Variants in GMPS observed in about 807,000 individuals in gnomAD.
GMPS encodes GMP synthase [glutamine-hydrolyzing].
Under a neutral mutation model 77.9 loss-of-function variants are expected in GMPS, and 15 were observed. The observed-to-expected ratio is 0.19, with a 90% CI of 0.13 to 0.30. GMPS has a LOEUF of 0.30. Ranked by LOEUF, GMPS falls within the 10% of genes least tolerant of loss-of-function variation. The probability of loss-of-function intolerance (pLI) is 1.00; values close to 1 mark genes in which losing one functional copy is unlikely to be tolerated. For missense variants in GMPS, 590 were observed against 838.8 expected, an observed-to-expected ratio of 0.70 and a Z score of 3.66; for synonymous variants, 224 against 275.9, an observed-to-expected ratio of 0.81 and a Z score of 1.86.
rs557647738 is a variant in GMPS at position 155,917,317 on chromosome 3, T to C, written c.1212+1125T>C. ...GTATATAGTTCAGTAGTGTTAGGTG[T>C]ATTCACATTGTTGTAAAACAGATCT... On this transcript the variant is annotated intron_variant, in intron 9 of 15. Transcript: ENST00000496455. Among the ~76,000 whole-genome samples the C allele has an allele frequency of 1.4e-3, 206 of 152,278 alleles. 1 individual carries two copies. The highest frequency in any genetic ancestry group is 4.9e-3 in the African/African-American group (202 of 41,558).
In GMPS at chr3:155,914,522, C is replaced by T. The variant is rs1264567632; in HGVS notation, c.990C>T (p.Thr330=). 11 of 1,602,624 alleles carry T rather than the reference C, an allele frequency of 6.9e-6. No homozygotes were observed. The highest frequency in any genetic ancestry group is 8.5e-6 in the Non-Finnish European group (10 of 1,175,594). The change falls in exon 8 of 16, where the codon ACC becomes ACT. Residue 330 remains threonine, a synonymous_variant. Transcript: ENST00000496455. ...GAATTAGCAAAACGTTAAATATGAC[C>T]ACAAGTCCTGAAGAGAAAAGAAAAA... The part of the protein sequence containing the change: ...RKRISKTLNM[T]TSPEEKRKII...
rs1339835981 is a variant in GMPS, at chr3:155,914,443, A to G, written c.911A>G (p.Tyr304Cys). 5.1e-6 allele frequency: 8 copies of G among 1,579,594 alleles called. No individual in the cohort carries two copies. Among genetic ancestry groups the G allele is most frequent in the African/African-American group, 2.7e-5 (2 of 72,860 alleles). Residue 304 changes from tyrosine (Y) to cysteine (C), a missense_variant, in exon 8 of 16, where the codon TAC (tyrosine) becomes TGC (cysteine). Tyr to Cys is a radical substitution (Grantham distance 194). Around this residue, in one of 6 missense-constraint regions of GMPS, gnomAD observed 181 missense variants for 186.8 expected, o/e 0.97. Coordinates refer to ENST00000496455, the MANE Select transcript of GMPS (RefSeq NM_003875.3). ...VKVINAAHSF[Y>C]NGTTTLPISD... is the part of the protein sequence containing the mutation. The stretch of plus-strand genomic sequence containing the variant: ...GTGATAAATGCTGCTCATTCTTTCT[A>G]CAATGGAACAACAACCCTACCAATA...
chr3:155,934,166 A>G (rs1483106648), intron 13 of GMPS, among the ~76,000 whole-genome samples: 3 of 152,200 alleles, frequency 2.0e-5, no homozygotes, highest in Non-Finnish European at 4.4e-5. Flanking sequence ...TTAGCATAGT[A>G]TATTAATAGT....
At chr3:155,902,114 G>T (rs1026288710) in intron 3 of GMPS, among the ~76,000 whole-genome samples, 2 of 152,170 alleles carry the variant, frequency 1.3e-5, no homozygotes, top group African/African-American at 4.8e-5. Context: ...GAACCTTGGG[G>T]TTTATCCAGG....
At chr3:155,904,403 C>T (rs1402401738) in intron 4 of GMPS, among the ~76,000 whole-genome samples, 1 of 151,962 alleles carries the variant, frequency 6.6e-6, no homozygotes, top group Non-Finnish European at 1.5e-5. Context: ...GATTCTTCTG[C>T]CTCAGCCTCC....
chr3:155,919,036 G>T (rs565287213), intron 9 of GMPS, among the ~76,000 whole-genome samples, 197 bp from the exon 10 acceptor site: 3 of 152,294 alleles, frequency 2.0e-5, no homozygotes, highest in South Asian at 4.1e-4. Context: ...GTGCTTCAAA[G>T]AGAAATAATA....
chr3:155,912,352 A>C (rs1253894495), intron 7 of GMPS, among the ~76,000 whole-genome samples: 1 of 152,178 alleles, frequency 6.6e-6, no homozygotes, highest in Non-Finnish European at 1.5e-5. Flanking sequence ...GTAAAGGTGG[A>C]TTTTCTCTGT....
At chr3:155,870,499 C>A (rs1028872403), upstream of GMPS, 13 of 214,564 alleles carry the variant, frequency 6.1e-5, no homozygotes, top group Non-Finnish European at 1.2e-4. Flanking sequence ...GGGGACCGGG[C>A]TGGGGGCGGG....
intron 3 of GMPS, among the ~76,000 whole-genome samples, chr3:155,899,001 C>T (rs1237340390): frequency 3.9e-5 from 6 of 152,116 alleles, no homozygotes; most frequent in South Asian, 2.1e-4. Flanking sequence ...GAGGCCGAGG[C>T]GGGTGGATCA....
chr3:155,917,161 TGG>T lies in GMPS; in HGVS notation c.1212+972_1212+973del, dbSNP rs528568230. Among the ~76,000 whole-genome samples, 758 of 152,148 alleles carry T rather than the reference TGG, an allele frequency of 5.0e-3. 7 individuals are homozygous for T. Among genetic ancestry groups the T allele is most frequent in the African/African-American group, 0.018 (731 of 41,508 alleles). On this transcript the variant is annotated intron_variant, in intron 9 of 15. Coordinates refer to ENST00000496455, the MANE Select transcript of GMPS (RefSeq NM_003875.3). ...GCTAATTTTGTATTTTTAGTAGAGA[TGG>T]GGTTTCACTATGTTGGCCAGGCTGG...
chr3:155,929,384 A>G (rs1034494205), intron 12 of GMPS, among the ~76,000 whole-genome samples: 2 of 152,128 alleles, frequency 1.3e-5, no homozygotes, highest in African/African-American at 4.8e-5. Flanking sequence ...AGAGCTATCT[A>G]TGACAAACCC....
At position 155,870,895 on chromosome 3, in the gene GMPS, A is replaced by C. The variant is rs1753888166; in HGVS notation, c.25A>C (p.Lys9Gln). 2.0e-6 allele frequency: 3 copies of C among 1,503,024 alleles called. No individual in the cohort carries two copies. Among genetic ancestry groups the C allele is most frequent in the Non-Finnish European group, 2.7e-6 (3 of 1,129,266 alleles). The allele number at this position is 1,503,024 out of a possible 1,614,324, so 93.1% of individuals were successfully genotyped here. A position where few individuals can be genotyped will look rare whatever the true frequency, so the allele number is the denominator to read the frequency against. ...GATGGCTCTGTGCAACGGAGACTCC[A>C]AGGTCAGCGTGGGGGTCCCTGCAGC... MALCNGDS[K>Q]LENAGGDLKD... The change falls in exon 1 of 16, where the codon AAG (lysine) becomes CAG (glutamine). Residue 9 changes from lysine to glutamine, a missense_variant and splice_region_variant. Coordinates refer to ENST00000496455, the MANE Select transcript of GMPS (RefSeq NM_003875.3).
chr3:155,930,652 A>G (rs12638792), intron 12 of GMPS, among the ~76,000 whole-genome samples: 29,443 of 152,130 alleles, frequency 0.19, 3,004 homozygotes, highest in South Asian at 0.26. Context: ...GTGAACTCAA[A>G]CAAATTTACA....
rs573242763 is a variant in GMPS, at chr3:155,873,915, G to A, written c.27+3018G>A. On this transcript the variant is annotated intron_variant, in intron 1 of 15. Transcript: ENST00000496455. ...CTCCCAAAGTGCTGGGATTACAGGC[G>A]TGAGCCACCATGCCCAGCCATGAGC... Among the ~76,000 whole-genome samples, 11 of 152,234 alleles carry A rather than the reference G, an allele frequency of 7.2e-5. No homozygotes were observed. In the South Asian group the frequency reaches 8.3e-4, roughly 11 times the overall value.
chr3:155,932,123 G>C (rs1226048122), intron 13 of GMPS, among the ~76,000 whole-genome samples: 2 of 152,064 alleles, frequency 1.3e-5, no homozygotes, highest in African/African-American at 4.8e-5. Flanking sequence ...TTATTTAAAG[G>C]AGAAAGATTT....
chr3:155,921,368 A>G (rs1466970226), intron 10 of GMPS, among the ~76,000 whole-genome samples: 2 of 152,232 alleles, frequency 1.3e-5, no homozygotes, highest in Non-Finnish European at 2.9e-5. Flanking sequence ...TGATAGTTGA[A>G]GCTGGATGAT....
chr3:155,884,851 C>G (rs1358438364), intron 1 of GMPS, among the ~76,000 whole-genome samples: 3 of 152,110 alleles, frequency 2.0e-5, no homozygotes, highest in Non-Finnish European at 4.4e-5. Context: ...AGCTAAATTG[C>G]TTTTTAGTTC....
At chr3:155,914,106 C>G (rs1486758915) in intron 7 of GMPS, among the ~76,000 whole-genome samples, 2 of 151,984 alleles carry the variant, frequency 1.3e-5, no homozygotes, top group African/African-American at 4.8e-5. Context: ...GTCACCACAC[C>G]CAGCTAATTT....
chr3:155,874,623 G>T (rs1044294038), intron 1 of GMPS, among the ~76,000 whole-genome samples: 1 of 151,942 alleles, frequency 6.6e-6, no homozygotes, highest in African/African-American at 2.4e-5. Context: ...TTTTAGTGTA[G>T]TGTGTTCTTA....
Sources: allele counts gnomAD v4.1 joint callset (sites outside exome capture counted in the v4.1 genomes callset), GRCh38; gene constraint gnomAD v4.1.1; regional missense constraint gnomAD v4.1.1; transcripts MANE v1.5; gene names NCBI Gene and HGNC (gene_info 2026-07-23, HGNC 2026-07-21).